The following SGIP1 variants were observed in gnomAD, a reference collection of about 807,000 sequenced individuals.
SGIP1 encodes SH3-containing GRB2-like protein 3-interacting protein 1.
In SGIP1, 38 loss-of-function variants were observed where a neutral mutation model predicts 107.5. The ratio of observed to expected loss-of-function variants is 0.35; its 90% confidence interval spans 0.27 to 0.46. The LOEUF is 0.46. Ranked by LOEUF, SGIP1 falls within the 20% of genes least tolerant of loss-of-function variation. The pLI is 1.00. For synonymous variants in SGIP1, 365 were observed against 366.1 expected (o/e 1.00, Z 0.03); for missense variants, 929 against 1,019.5 (o/e 0.91, Z 1.21).
intron 16 of SGIP1, 109 bp from the exon 17 acceptor site, chr1:66,690,081 C>A: frequency 7.8e-7 from 1 of 1,290,144 alleles, no homozygotes. Context: ...GTCATCTATT[C>A]TTCAGATACC....
intron 1 of SGIP1, among the ~76,000 whole-genome samples, chr1:66,562,845 G>A (rs544051732): frequency 2.6e-5 from 4 of 152,192 alleles, no homozygotes; most frequent in Admixed American, 2.0e-4. Flanking sequence ...GATGCACAGA[G>A]GGGCCAGGCA....
chr1:66,695,550 C>G, intron 18 of SGIP1, 57 bp downstream of exon 18: 1 of 1,546,964 alleles, frequency 6.5e-7, no homozygotes, highest in South Asian at 1.2e-5. Flanking sequence ...TCCTTATTTC[C>G]CCATTTGCAT....
intron 5 of SGIP1, 70 bp from the exon 6 acceptor site, chr1:66,642,740 T>G: frequency 1.5e-6 from 2 of 1,352,296 alleles, no homozygotes; most frequent in Non-Finnish European, 2.0e-6. Context: ...AATAGAAGAC[T>G]CTAGAAAAAA....
chr1:66,647,278 G>A (rs547716659), intron 7 of SGIP1, among the ~76,000 whole-genome samples: 1 of 152,182 alleles, frequency 6.6e-6, no homozygotes, highest in Non-Finnish European at 1.5e-5. Context: ...CCAGCCTTGG[G>A]ATGGAGGAAA....
chr1:66,718,970 G>C (rs1455204211), intron 18 of SGIP1, among the ~76,000 whole-genome samples: 1 of 152,094 alleles, frequency 6.6e-6, no homozygotes, highest in Admixed American at 6.6e-5. Flanking sequence ...ACCACCTGCT[G>C]TACAAACTGT....
intron 4 of SGIP1, among the ~76,000 whole-genome samples, chr1:66,636,741 C>T (rs2149434192): frequency 6.6e-6 from 1 of 152,266 alleles, no homozygotes; most frequent in African/African-American, 2.4e-5. Context: ...GGCAGTACGT[C>T]ATGTACCTTT....
intron 1 of SGIP1, among the ~76,000 whole-genome samples, chr1:66,618,466 A>G (rs1450985029): frequency 6.6e-6 from 1 of 152,252 alleles, no homozygotes; most frequent in Non-Finnish European, 1.5e-5. Context: ...AACATTGATG[A>G]CATGTCTTCT....
rs1558132763 is a variant in SGIP1, at chr1:66,630,829, A to AGAAAGAGAGAAAGAG, written c.75-2241_75-2240insGAAAGAGAGAAAGAG. 3.0e-3 allele frequency among the ~76,000 whole-genome samples: 28 copies of AGAAAGAGAGAAAGAG among 9,282 alleles called. 1 individual carries two copies. Among genetic ancestry groups the AGAAAGAGAGAAAGAG allele is most frequent in the African/African-American group, 0.011 (26 of 2,276 alleles). The allele number at this position is 9,282 out of a possible 152,430, so 6.1% of individuals were successfully genotyped here. On this transcript the variant is annotated intron_variant, in intron 2 of 24. Coordinates refer to ENST00000371037, the MANE Select transcript of SGIP1 (RefSeq NM_032291.4). ...AAAGAAAGAAAGAAAGAAAGAAAGA[A>AGAAAGAGAGAAAGAG]AGAAAGAAAGAAAGAAAGAAAGAAA...
At chr1:66,625,961 TG>T in intron 2 of SGIP1, 51 bp downstream of exon 2, 9 of 1,426,152 alleles carry the variant, frequency 6.3e-6, no homozygotes, top group Non-Finnish European at 7.9e-6. Context: ...GCATAAGAGA[TG>T]CTCTTATCAC....
chr1:66,550,100 T>C (rs1011919063), intron 1 of SGIP1, among the ~76,000 whole-genome samples: 14 of 152,300 alleles, frequency 9.2e-5, no homozygotes, highest in Middle Eastern at 3.4e-3. Context: ...GACTGAGGGA[T>C]ATTCCTTCTC....
chr1:66,610,794 A>G (rs1189508597), intron 1 of SGIP1, among the ~76,000 whole-genome samples: 1 of 152,116 alleles, frequency 6.6e-6, no homozygotes, highest in Admixed American at 6.6e-5. Flanking sequence ...TCTCAAAAAT[A>G]TTTATTGCAT....
chr1:66,672,705 A>C (rs2084124545), intron 11 of SGIP1, among the ~76,000 whole-genome samples: 1 of 152,240 alleles, frequency 6.6e-6, no homozygotes, highest in East Asian at 1.9e-4. Flanking sequence ...ATGCGAGTTT[A>C]ACTTATTATC....
At chr1:66,542,053 C>T (rs145060139) in intron 1 of SGIP1, among the ~76,000 whole-genome samples, 1,620 of 152,080 alleles carry the variant, frequency 0.011, 30 homozygotes, top group African/African-American at 0.036. Flanking sequence ...AGATCCCCAG[C>T]GGATGCCTGA....
chr1:66,737,666 T>C (rs1457108818), intron 21 of SGIP1, among the ~76,000 whole-genome samples: 1 of 152,228 alleles, frequency 6.6e-6, no homozygotes, highest in Non-Finnish European at 1.5e-5. Context: ...GTAATAATGA[T>C]ATCTACTTAT....
intron 7 of SGIP1, among the ~76,000 whole-genome samples, chr1:66,650,557 C>T (rs907272841): frequency 7.2e-5 from 11 of 152,096 alleles, no homozygotes; most frequent in African/African-American, 2.7e-4. Context: ...GCCCACATTC[C>T]CCCTGGCCTC....
chr1:66,712,452 C>T (rs1346006349), intron 18 of SGIP1, among the ~76,000 whole-genome samples: 3 of 152,248 alleles, frequency 2.0e-5, no homozygotes, highest in South Asian at 2.1e-4. Flanking sequence ...ACATGATTGG[C>T]GGAAGTGCAT....
At chr1:66,742,456 C>CTTTTTTTTTTTT (rs1557832284) in intron 24 of SGIP1, among the ~76,000 whole-genome samples, 1 of 64,132 alleles carries the variant, frequency 1.6e-5, no homozygotes, top group Non-Finnish European at 3.7e-5. Flanking sequence ...TATGAGCACC[C>CTTTTTTTTTTTT]TTTCTTTTTT....
chr1:66,543,269 C>T (rs187853898), intron 1 of SGIP1, among the ~76,000 whole-genome samples: 19 of 152,262 alleles, frequency 1.2e-4, no homozygotes, highest in Admixed American at 2.6e-4. Flanking sequence ...GTTCCCACCA[C>T]GAACAAAAGC....
chr1:66,631,032 G>GAAGGAAGA, intron 2 of SGIP1, among the ~76,000 whole-genome samples: 1 of 110,720 alleles, frequency 9.0e-6, no homozygotes, highest in East Asian at 3.1e-4. Flanking sequence ...GGAAAGGAAG[G>GAAGGAAGA]AAGGAAGAAA....
Sources: allele counts gnomAD v4.1 joint callset (sites outside exome capture counted in the v4.1 genomes callset), GRCh38; gene constraint gnomAD v4.1.1; transcripts MANE v1.5; gene names NCBI Gene and HGNC (gene_info 2026-07-23, HGNC 2026-07-21).